The following EXOC6 variants were observed in gnomAD, a reference collection of about 807,000 sequenced individuals.
The protein encoded by EXOC6 is SEC15-like 1.
EXOC6 carries 60 observed loss-of-function variants against 112.5 expected under a neutral mutation model. The ratio of observed to expected loss-of-function variants is 0.53; its 90% CI spans 0.43 to 0.66. The LOEUF is 0.66. Among genes scored for constraint, EXOC6 ranks in the 30% least tolerant of loss-of-function variants. The probability of loss-of-function intolerance (pLI) is 0.00; values close to 1 mark genes in which losing one functional copy is unlikely to be tolerated. For missense variants in EXOC6, 855 were observed against 957.1 expected (o/e 0.89, Z 1.41); for synonymous variants, 295 against 308.0 (o/e 0.96, Z 0.44).
intron 12 of EXOC6, among the ~76,000 whole-genome samples, chr10:92,937,678 A>G (rs916410851): frequency 3.4e-4 from 51 of 152,164 alleles, no homozygotes; most frequent in African/African-American, 1.0e-3. Flanking sequence ...ATCTCGCTGC[A>G]AGAAAACTTT....
intron 18 of EXOC6, among the ~76,000 whole-genome samples, chr10:92,981,179 C>T (rs1842812155): frequency 6.6e-6 from 1 of 152,206 alleles, no homozygotes; most frequent in South Asian, 2.1e-4. Flanking sequence ...AAACTTAAAC[C>T]AGAAGAATTT....
intron 1 of EXOC6, among the ~76,000 whole-genome samples, chr10:92,884,519 G>A (rs1217314555): frequency 6.6e-6 from 1 of 152,090 alleles, no homozygotes; most frequent in African/African-American, 2.4e-5. Flanking sequence ...TATGTATTCT[G>A]TTAGTGAACA....
Position 92,974,098 on chromosome 10 carries a change from C to G in EXOC6, c.1819C>G (p.Gln607Glu), listed in dbSNP as rs750922705. ...AGGAGAAATATATACCAAACTGAATCAAAAAATTGATGAATTTGTTCAGCT... is the reference window on the plus strand; with the variant it reads ...AGGAGAAATATATACCAAACTGAATGAAAAAATTGATGAATTTGTTCAGCT... Reference protein sequence around the residue: ...AEGEIYTKLNQKIDEFVQLAD... With the variant: ...AEGEIYTKLNEKIDEFVQLAD... Residue 607 changes from glutamine to glutamate, a missense_variant, in exon 18 of 22, where the codon CAA becomes GAA. Physicochemically the swap from Gln to Glu is conservative, Grantham distance 29. This residue lies in a region of EXOC6 where 450 missense variants were observed against 563.5 expected (regional missense o/e 0.80). Coordinates refer to ENST00000260762, the MANE Select transcript of EXOC6 (RefSeq NM_019053.6). The G allele has an allele frequency of 3.1e-6, 5 of 1,603,140 alleles. No individual in the cohort carries two copies. The South Asian group carries it at 5.7e-5, about 18-fold the overall frequency.
chr10:92,866,383 T>G (rs1034767609), intron 1 of EXOC6, among the ~76,000 whole-genome samples: 5 of 152,120 alleles, frequency 3.3e-5, no homozygotes, highest in South Asian at 4.2e-4. Context: ...AACACTTTCA[T>G]TAACATGTCC....
chr10:92,894,732 G>A (rs1849666209), intron 2 of EXOC6, 62 bp from the exon 3 acceptor site: 3 of 1,263,536 alleles, frequency 2.4e-6, no homozygotes, highest in African/African-American at 3.0e-5. Flanking sequence ...ACAAGGGTGA[G>A]CAGTTACATC....
rs774289271 is a variant in EXOC6, at chr10:93,058,211, A to C, written c.2283-12A>C. 1.2e-5 allele frequency: 19 copies of C among 1,595,978 alleles called. No individual in the cohort carries two copies. Among genetic ancestry groups the C allele is most frequent in the Non-Finnish European group, 1.6e-5 (19 of 1,175,704 alleles). On this transcript the variant is annotated splice_polypyrimidine_tract_variant and intron_variant, in intron 21 of 21. Coordinates refer to ENST00000260762, the MANE Select transcript of EXOC6 (RefSeq NM_019053.6). ...TCTTTTACCAAGCTTCTTCATTCAC[A>C]TATGTTTCTAGGATGAAGGATACTA... is the stretch of plus-strand genomic sequence containing the variant.
Position 92,997,527 on chromosome 10 carries a change from C to G in EXOC6, c.2007C>G (p.Ser669=), listed in dbSNP as rs1433706557. The change falls in exon 19 of 22, where the codon TCC becomes TCG. Residue 669 remains serine, a synonymous_variant. Transcript: ENST00000260762. The part of the protein sequence containing the change: ...CMSACQHLST[S]LMQMLLDSEL... ...CAGCCTGCCAGCATCTGTCAACATC[C>G]TTAATGCAGATGCTACTGGACAGTG... 5 of 1,613,208 alleles carry G rather than the reference C, an allele frequency of 3.1e-6. No homozygotes were observed. In the African/African-American group the frequency reaches 4.0e-5, roughly 13 times the overall value.
chr10:92,874,576 C>T (rs1045282238), intron 1 of EXOC6, among the ~76,000 whole-genome samples: 2 of 151,614 alleles, frequency 1.3e-5, no homozygotes, highest in African/African-American at 2.4e-5. Context: ...GTGTGTGCAC[C>T]CCCACACATG....
chr10:92,885,075 G>A (rs1589761941), intron 1 of EXOC6, among the ~76,000 whole-genome samples: 1 of 151,962 alleles, frequency 6.6e-6, no homozygotes, highest in Admixed American at 6.6e-5. Context: ...CTACCACTAG[G>A]TGGAGCCCTA....
chr10:92,845,525 C>T (rs1247456768), upstream of EXOC6, among the ~76,000 whole-genome samples: 1 of 146,706 alleles, frequency 6.8e-6, no homozygotes, highest in African/African-American at 2.6e-5. Context: ...TGCACTCCAG[C>T]CTGGGCAACA....
At chr10:93,014,992 G>T (rs1844435587) in intron 20 of EXOC6, among the ~76,000 whole-genome samples, 1 of 151,402 alleles carries the variant, frequency 6.6e-6, no homozygotes, top group Non-Finnish European at 1.5e-5. Context: ...ATAAAGCTGG[G>T]GAGTCACAAG....
intron 18 of EXOC6, among the ~76,000 whole-genome samples, chr10:92,984,520 TTTTTG>T (rs200335749): frequency 8.3e-4 from 127 of 152,212 alleles, no homozygotes; most frequent in African/African-American, 2.9e-3. Flanking sequence ...GCTTCTTGTT[TTTTTG>T]TTTTGTTTTG....
chr10:92,926,506 G>C (rs971820159), intron 8 of EXOC6, among the ~76,000 whole-genome samples: 2 of 150,324 alleles, frequency 1.3e-5, no homozygotes, highest in Admixed American at 6.6e-5. Flanking sequence ...TGGTAAAAAG[G>C]AATCTGAGGA....
intron 1 of EXOC6, among the ~76,000 whole-genome samples, chr10:92,883,773 A>T (rs1172330011): frequency 6.6e-6 from 1 of 152,230 alleles, no homozygotes; most frequent in Non-Finnish European, 1.5e-5. Flanking sequence ...ACTGGCAGAA[A>T]ATAGGTTAGT....
Position 92,976,045 on chromosome 10 carries a change from T to TG in EXOC6, c.1953+1824dup, listed in dbSNP as rs745358976. The stretch of plus-strand genomic sequence containing the variant: ...CCAGCCGCCGCGTCCGGGAGGGAGG[T>TG]GGGGGGGGGGGTCAGCCCCCCGCCC... On this transcript the variant is annotated intron_variant, in intron 18 of 21. Coordinates refer to ENST00000260762, the MANE Select transcript of EXOC6 (RefSeq NM_019053.6). 2.4e-3 allele frequency among the ~76,000 whole-genome samples: 253 copies of TG among 105,458 alleles called. 4 individuals are homozygous for TG. The highest frequency in any genetic ancestry group is 6.2e-3 in the Middle Eastern group (1 of 162). The allele number at this position is 105,458 out of a possible 152,430, so 69.2% of individuals were successfully genotyped here.
intron 5 of EXOC6, among the ~76,000 whole-genome samples, 197 bp from the exon 6 acceptor site, chr10:92,909,230 A>G (rs1391671760): frequency 6.6e-6 from 1 of 152,182 alleles, no homozygotes; most frequent in African/African-American, 2.4e-5. Context: ...GTATGCCATC[A>G]ACTTTGAGCC....
chr10:92,853,967 C>T (rs372095713), intron 1 of EXOC6, among the ~76,000 whole-genome samples: 1 of 149,270 alleles, frequency 6.7e-6, no homozygotes, highest in East Asian at 2.0e-4. Context: ...GTGATCATGC[C>T]TCTGCACTCC....
At chr10:92,834,659 A>ATTTTT (rs11408607), upstream of EXOC6, 1 of 968,086 alleles carries the variant, frequency 1.0e-6, no homozygotes, top group Non-Finnish European at 1.5e-6. Flanking sequence ...GGAAAACGGT[A>ATTTTT]TTTTTTTTTT....
Position 92,894,816 on chromosome 10 carries a change from G to T in EXOC6, c.296G>T (p.Arg99Leu), listed in dbSNP as rs138428266. The T allele has an allele frequency of 6.2e-7, 1 of 1,613,512 alleles. No individual in the cohort carries two copies. Among genetic ancestry groups the T allele is most frequent in the East Asian group, 2.2e-5 (1 of 44,790 alleles). ...KLKVQVTDTN[R>L]RFQDAGKEVI... Reference sequence around the variant, plus strand: ...AAGGTGCAAGTTACTGATACCAACCGAAGGTTTCAAGATGCTGGAAAAGAG... The same window carrying T: ...AAGGTGCAAGTTACTGATACCAACCTAAGGTTTCAAGATGCTGGAAAAGAG... The change falls in exon 3 of 22, where the codon CGA becomes CTA. Residue 99 changes from arginine (R) to leucine (L), a missense_variant. Physicochemically the swap from Arg to Leu is moderately radical, Grantham distance 102. Transcript: ENST00000260762.
Sources: gnomAD v4.1 joint callset for allele counts (sites outside exome capture counted in the v4.1 genomes callset) on GRCh38, gnomAD v4.1.1 for gene constraint, gnomAD v4.1.1 regional missense constraint, MANE v1.5 for transcripts, NCBI Gene and HGNC (gene_info 2026-07-23, HGNC 2026-07-21) for gene names.